The following LIPC variants were observed in gnomAD, a reference collection of about 807,000 sequenced individuals.
LIPC encodes lipase C, hepatic type.
Under a neutral mutation model 50.7 loss-of-function variants are expected in LIPC, and 44 were observed. The ratio of observed to expected loss-of-function variants is 0.87; its 90% CI spans 0.68 to 1.11. The LOEUF (loss-of-function observed/expected upper bound fraction) is 1.11, where lower values mean the gene tolerates loss of function less well. LIPC is among the 50% of genes most tolerant of loss of function. The pLI, the probability that LIPC is intolerant of heterozygous loss-of-function variation, is 0.00. For synonymous variants in LIPC, 271 were observed against 256.4 expected (o/e 1.06, Z -0.54); for missense variants, 697 against 648.2 (o/e 1.08, Z -0.82).
chr15:58,567,301 A>ATG (rs1894409508), intron 8 of LIPC, among the ~76,000 whole-genome samples: 1 of 22,346 alleles, frequency 4.5e-5, no homozygotes, highest in African/African-American at 1.3e-4. Flanking sequence ...ATACATATAT[A>ATG]TATACATATA....
chr15:58,567,060 G>T (rs886717576), intron 8 of LIPC, among the ~76,000 whole-genome samples: 1 of 151,648 alleles, frequency 6.6e-6, no homozygotes, highest in South Asian at 2.1e-4. Context: ...AAATTAGCCG[G>T]GCGTGGTGGC....
chr15:58,517,802 A>T (rs190404169), intron 1 of LIPC, among the ~76,000 whole-genome samples: 13 of 152,240 alleles, frequency 8.5e-5, no homozygotes, highest in Non-Finnish European at 7.3e-5. Context: ...TTCCACTGAC[A>T]TTCTCACTTG....
chr15:58,557,012 T>C (rs1160684645), intron 6 of LIPC, among the ~76,000 whole-genome samples: 1 of 152,246 alleles, frequency 6.6e-6, no homozygotes, highest in African/African-American at 2.4e-5. Flanking sequence ...TATTACTGAA[T>C]ATTTCAGGTG....
At chr15:58,443,554 C>G (rs1216475389) in intron 1 of LIPC, among the ~76,000 whole-genome samples, 1 of 152,204 alleles carries the variant, frequency 6.6e-6, no homozygotes, top group Non-Finnish European at 1.5e-5. Context: ...GCTTTTTCCT[C>G]CATCCAAGAA....
rs1387965304 is a variant in LIPC, at chr15:58,538,550, G to A, written c.273+33G>A. 6.2e-6 allele frequency: 10 copies of A among 1,600,578 alleles called. No homozygotes were observed. The African/African-American group carries it at 1.1e-4, about 17-fold the overall frequency. ...ATGCTGACATGCCGTTTTTCTCTCC[G>A]ATTTCACATTTTCTTTTTTTCTTTC... On this transcript the variant is annotated intron_variant, in intron 2 of 8. Transcript: ENST00000299022.
chr15:58,523,242 C>G (rs546624259), intron 1 of LIPC: 3 of 152,380 alleles, frequency 2.0e-5, no homozygotes, highest in Non-Finnish European at 4.4e-5. Flanking sequence ...TGCCATCTGC[C>G]GAGTCAGTTC....
intron 1 of LIPC, among the ~76,000 whole-genome samples, chr15:58,496,119 GT>G (rs1418340596): frequency 6.6e-6 from 1 of 152,112 alleles, no homozygotes; most frequent in East Asian, 1.9e-4. Flanking sequence ...GTTCTCAGTG[GT>G]TCTCAACTGG....
intron 1 of LIPC, 83 bp downstream of exon 1, chr15:58,432,203 C>A (rs1893147034): frequency 5.8e-6 from 6 of 1,031,410 alleles, no homozygotes; most frequent in Non-Finnish European, 9.2e-6. Flanking sequence ...GGGTTTCTGA[C>A]TGTATGGGAC....
In LIPC at chr15:58,544,919, T is replaced by G. The variant is rs140539865; in HGVS notation, c.575-823T>G. ...AGCCAGGAGGTGCCACCTTACTTCATGCACAGACATCTGTCACTTGAGGCC... is the reference window on the plus strand; with the variant it reads ...AGCCAGGAGGTGCCACCTTACTTCAGGCACAGACATCTGTCACTTGAGGCC... On this transcript the variant is annotated intron_variant, in intron 4 of 8. Transcript: ENST00000299022. Among the ~76,000 whole-genome samples the G allele has an allele frequency of 1.5e-3, 234 of 152,292 alleles. 6 individuals carry two copies. In the South Asian group the frequency reaches 0.046, roughly 30 times the overall value.
intron 6 of LIPC, among the ~76,000 whole-genome samples, chr15:58,558,154 C>T (rs866549972): frequency 6.6e-6 from 1 of 151,738 alleles, no homozygotes; most frequent in East Asian, 1.9e-4. Flanking sequence ...CTCACTGCAA[C>T]CTCTGCCTCC....
At chr15:58,503,409 G>T (rs1345803040) in intron 1 of LIPC, among the ~76,000 whole-genome samples, 1 of 152,300 alleles carries the variant, frequency 6.6e-6, no homozygotes, top group African/African-American at 2.4e-5. Flanking sequence ...TTTGTGAAAG[G>T]CTTTAGGGGC....
chr15:58,483,439 C>T (rs370703037), intron 1 of LIPC, among the ~76,000 whole-genome samples: 18 of 152,134 alleles, frequency 1.2e-4, no homozygotes, highest in Admixed American at 5.9e-4. Context: ...GTGATTCCTA[C>T]GATCCTGAGG....
chr15:58,484,283 C>T (rs898481523), intron 1 of LIPC, among the ~76,000 whole-genome samples: 1 of 152,188 alleles, frequency 6.6e-6, no homozygotes, highest in Non-Finnish European at 1.5e-5. Flanking sequence ...CCACTGTGTG[C>T]TAGGCACCCT....
intron 1 of LIPC, among the ~76,000 whole-genome samples, chr15:58,468,347 T>C (rs1894651394): frequency 6.6e-6 from 1 of 152,146 alleles, no homozygotes; most frequent in African/African-American, 2.4e-5. Context: ...ACCAGCAGCA[T>C]CAGCATCACC....
chr15:58,536,986 C>A (rs957236872), intron 1 of LIPC, among the ~76,000 whole-genome samples: 1 of 152,134 alleles, frequency 6.6e-6, no homozygotes, highest in Non-Finnish European at 1.5e-5. Context: ...TGATTTTATT[C>A]TCAGAAAGAA....
chr15:58,503,772 G>A (rs77024557), intron 1 of LIPC, among the ~76,000 whole-genome samples: 3,338 of 152,272 alleles, frequency 0.022, 112 homozygotes, highest in African/African-American at 0.075. Flanking sequence ...GTGTCTGAGG[G>A]CAAGTCACCT....
intron 1 of LIPC, among the ~76,000 whole-genome samples, chr15:58,451,814 C>T (rs1893909422): frequency 6.6e-6 from 1 of 152,114 alleles, no homozygotes; most frequent in Non-Finnish European, 1.5e-5. Context: ...GATGCTCCTG[C>T]CCTGCTCACA....
chr15:58,559,283 T>G (rs1209333053), intron 6 of LIPC, among the ~76,000 whole-genome samples: 1 of 152,252 alleles, frequency 6.6e-6, no homozygotes, highest in Admixed American at 6.5e-5. Flanking sequence ...TGTTAGATGT[T>G]AATGTGCATT....
At chr15:58,452,080 G>A (rs563638465) in intron 1 of LIPC, among the ~76,000 whole-genome samples, 1 of 152,262 alleles carries the variant, frequency 6.6e-6, no homozygotes, top group African/African-American at 2.4e-5. Flanking sequence ...GGATGCTCGG[G>A]GCCCTATTTT....
Sources: gnomAD v4.1 joint callset for allele counts (sites outside exome capture counted in the v4.1 genomes callset) on GRCh38, gnomAD v4.1.1 for gene constraint, MANE v1.5 for transcripts, NCBI Gene and HGNC (gene_info 2026-07-23, HGNC 2026-07-21) for gene names.